Variants in FAM168A observed in about 807,000 individuals in gnomAD.
FAM168A encodes protein FAM168A.
FAM168A carries 3 observed loss-of-function variants against 28.5 expected under a neutral mutation model. The observed-to-expected ratio is 0.11, with a 90% CI of 0.05 to 0.27. FAM168A has a LOEUF of 0.27. Among genes scored for constraint, FAM168A ranks in the 10% least tolerant of loss-of-function variants. The pLI, the probability that FAM168A is intolerant of heterozygous loss-of-function variation, is 1.00. For synonymous variants in FAM168A, 122 were observed against 124.2 expected, an observed-to-expected ratio of 0.98 and a Z score of 0.12; for missense variants, 222 against 311.5, an observed-to-expected ratio of 0.71 and a Z score of 2.16.
chr11:73,413,265 G>A (rs753113627), intron 4 of FAM168A, among the ~76,000 whole-genome samples: 13 of 152,270 alleles, frequency 8.5e-5, no homozygotes, highest in Non-Finnish European at 1.8e-4. Context: ...TTCACCTGCA[G>A]ATCCATAGTT....
At chr11:73,511,600 G>A (rs1855228521) in intron 1 of FAM168A, among the ~76,000 whole-genome samples, 1 of 150,100 alleles carries the variant, frequency 6.7e-6, no homozygotes, top group Admixed American at 6.6e-5. Context: ...TGCTTTGTAG[G>A]ACTTATTTGC....
At chr11:73,520,340 G>A (rs186178492) in intron 1 of FAM168A, among the ~76,000 whole-genome samples, 3 of 151,928 alleles carry the variant, frequency 2.0e-5, no homozygotes, top group Non-Finnish European at 4.4e-5. Context: ...GAGCCACCGC[G>A]CCTGGCCTAA....
intron 1 of FAM168A, among the ~76,000 whole-genome samples, chr11:73,511,573 T>C (rs1396706577): frequency 6.6e-6 from 1 of 152,196 alleles, no homozygotes; most frequent in Non-Finnish European, 1.5e-5. Flanking sequence ...TAAGCTGTTT[T>C]AGCCAAAAAC....
chr11:73,458,735 C>T (rs557034423), intron 2 of FAM168A, among the ~76,000 whole-genome samples: 11 of 151,962 alleles, frequency 7.2e-5, no homozygotes, highest in Admixed American at 2.0e-4. Context: ...CTCAGACTCC[C>T]GAGTAGCTGG....
chr11:73,445,419 CTTTTTTTTTTTTTTT>C (rs56294455), intron 2 of FAM168A, among the ~76,000 whole-genome samples: 34 of 50,466 alleles, frequency 6.7e-4, no homozygotes, highest in South Asian at 4.2e-3. Context: ...AAAAATGTCT[CTTTTTTTTTTTTTTT>C]TTTTTTTTTT....
At chr11:73,558,298 C>T (rs1555036851) in intron 1 of FAM168A, among the ~76,000 whole-genome samples, 1 of 151,640 alleles carries the variant, frequency 6.6e-6, no homozygotes, top group Non-Finnish European at 1.5e-5. Context: ...ACTGCCTCTA[C>T]AAAAAATGTA....
chr11:73,596,467 C>T (rs1459329461), intron 1 of FAM168A, among the ~76,000 whole-genome samples: 2 of 152,134 alleles, frequency 1.3e-5, no homozygotes, highest in African/African-American at 4.8e-5. Context: ...AATCCCCTTT[C>T]AACTTTACCC....
chr11:73,483,660 G>A lies in FAM168A; in HGVS notation c.-18-15168C>T, dbSNP rs181123857. ...AGGAAAGAATATAGGAAAATATTTT[G>A]CAGTCGGAACTGACAGAATTTGAAA... On this transcript the variant is annotated intron_variant, in intron 1 of 7. Transcript: ENST00000356467. Among the ~76,000 whole-genome samples, 33 of 152,320 alleles carry A rather than the reference G, an allele frequency of 2.2e-4. No homozygotes were observed. In the East Asian group the frequency reaches 6.0e-3, roughly 28 times the overall value.
chr11:73,530,934 C>T (rs1440824596), intron 1 of FAM168A, among the ~76,000 whole-genome samples: 4 of 152,108 alleles, frequency 2.6e-5, no homozygotes, highest in African/African-American at 9.7e-5. Flanking sequence ...TCTCAATAAA[C>T]AATAAACATG....
At chr11:73,437,426 C>G (rs1445393081) in intron 2 of FAM168A, among the ~76,000 whole-genome samples, 1 of 113,388 alleles carries the variant, frequency 8.8e-6, no homozygotes, top group African/African-American at 3.5e-5. Context: ...TTTTTTGAGA[C>G]AGAGTCTCAC....
intron 2 of FAM168A, among the ~76,000 whole-genome samples, chr11:73,441,947 G>T (rs1867203122): frequency 6.6e-6 from 1 of 152,008 alleles, no homozygotes; most frequent in African/African-American, 2.4e-5. Flanking sequence ...TGTTGATTTT[G>T]CCAGTCTTTT....
intron 3 of FAM168A, among the ~76,000 whole-genome samples, chr11:73,429,373 C>T (rs373715189): frequency 4.6e-5 from 7 of 152,252 alleles, no homozygotes; most frequent in East Asian, 1.9e-4. Context: ...TTGAACTGGA[C>T]GATCTCTAAG....
In FAM168A at chr11:73,404,104, T is replaced by C. The variant is rs1866459720; in HGVS notation, c.*2659A>G. ...ATTTCATCGGGTTAAACCAGATAATTTATGTTCAACTGTTCTGTGAACTGT... is the reference window on the plus strand; with the variant it reads ...ATTTCATCGGGTTAAACCAGATAATCTATGTTCAACTGTTCTGTGAACTGT... On this transcript the variant is annotated 3_prime_UTR_variant, in exon 8 of 8. Transcript: ENST00000356467. 2 of 152,228 alleles carry C rather than the reference T, an allele frequency of 1.3e-5. No homozygotes were observed. The highest frequency in any genetic ancestry group is 4.8e-5 in the African/African-American group (2 of 41,442). 9.4% of individuals were successfully genotyped at this position (152,228 alleles called of 1,614,324 possible). A position where few individuals can be genotyped will look rare whatever the true frequency, so the allele number is the denominator to read the frequency against.
chr11:73,548,189 T>G (rs1305931473), intron 1 of FAM168A, among the ~76,000 whole-genome samples: 1 of 152,196 alleles, frequency 6.6e-6, no homozygotes, highest in African/African-American at 2.4e-5. Flanking sequence ...TTACTACTAC[T>G]AAACTATACA....
chr11:73,425,035 C>T (rs1342353432), intron 3 of FAM168A: 55 of 1,530,150 alleles, frequency 3.6e-5, no homozygotes, highest in Non-Finnish European at 4.7e-5. Flanking sequence ...AAGCTGAATG[C>T]AGGAACTGAA....
chr11:73,500,183 A>T (rs1854977804), intron 1 of FAM168A, among the ~76,000 whole-genome samples: 1 of 151,672 alleles, frequency 6.6e-6, no homozygotes, highest in South Asian at 2.1e-4. Flanking sequence ...CTCAGCAGAA[A>T]CTCTTCAAGC....
intron 1 of FAM168A, among the ~76,000 whole-genome samples, chr11:73,490,943 C>T (rs1242759575): frequency 6.6e-6 from 1 of 152,158 alleles, no homozygotes; most frequent in Non-Finnish European, 1.5e-5. Context: ...GAATATTGAT[C>T]ACTCTTCTCC....
chr11:73,442,125 CTTTTTTT>C (rs59066860), intron 2 of FAM168A, among the ~76,000 whole-genome samples: 1 of 131,000 alleles, frequency 7.6e-6, no homozygotes, highest in Non-Finnish European at 1.6e-5. Flanking sequence ...CTTTCTTCTT[CTTTTTTT>C]TTTTTTTTTT....
chr11:73,590,635 T>G (rs1944370219), intron 1 of FAM168A, among the ~76,000 whole-genome samples: 2 of 152,214 alleles, frequency 1.3e-5, no homozygotes, highest in Admixed American at 1.3e-4. Context: ...GGTTATACAT[T>G]TTGTGCATTT....
Sources: allele counts gnomAD v4.1 joint callset (sites outside exome capture counted in the v4.1 genomes callset), GRCh38; gene constraint gnomAD v4.1.1; transcripts MANE v1.5; gene names NCBI Gene and HGNC (gene_info 2026-07-23, HGNC 2026-07-21).